Variants in RAB39A observed in about 807,000 individuals in gnomAD.
RAB39A encodes ras-related protein Rab-39A.
Under a neutral mutation model 20.9 loss-of-function variants are expected in RAB39A, and 17 were observed. That is an observed-to-expected ratio of 0.81 (90% CI 0.56 to 1.22). RAB39A has a LOEUF of 1.22. Ranked by LOEUF, RAB39A falls within the 50% of genes most tolerant of loss-of-function variation. RAB39A has a pLI of 0.00. For missense variants in RAB39A, 234 were observed against 270.5 expected, an observed-to-expected ratio of 0.87 and a Z score of 0.95; for synonymous variants, 99 against 103.4, an observed-to-expected ratio of 0.96 and a Z score of 0.26.
chr11:107,946,436 G>GTGTGTATATA (rs1315934948), intron 1 of RAB39A, among the ~76,000 whole-genome samples: 2 of 30,482 alleles, frequency 6.6e-5, no homozygotes, highest in African/African-American at 1.2e-4. Flanking sequence ...GTGTGTGTGT[G>GTGTGTATATA]TATATATATA....
chr11:107,951,733 C>T (rs1565465703), intron 1 of RAB39A, among the ~76,000 whole-genome samples: 1 of 151,194 alleles, frequency 6.6e-6, no homozygotes, highest in Non-Finnish European at 1.5e-5. Flanking sequence ...GATCCTGCCA[C>T]CTCGGACTCC....
At position 107,928,823 on chromosome 11, in the gene RAB39A, G is replaced by A. The variant is rs184082694; in HGVS notation, c.227+28G>A. 0.024 allele frequency: 35,917 copies of A among 1,475,192 alleles called. 541 individuals are homozygous for A. The highest frequency in any genetic ancestry group is 0.034 in the South Asian group (2,583 of 77,002). 91.4% of individuals were successfully genotyped at this position (1,475,192 alleles called of 1,614,324 possible). A position where few individuals can be genotyped will look rare whatever the true frequency, so the allele number is the denominator to read the frequency against. Reference sequence around the variant, plus strand: ...AGGGACCCCGGGGACCTTGGGCACCGCGCCGCCCCCTCAGCCCGCCCGGAC... The same window carrying A: ...AGGGACCCCGGGGACCTTGGGCACCACGCCGCCCCCTCAGCCCGCCCGGAC... On this transcript the variant is annotated intron_variant, in intron 1 of 1. Transcript: ENST00000320578. This position sits in a 1 kb window ranked among gnomAD's most constrained non-coding sequence, Gnocchi z 4.9.
intron 1 of RAB39A, among the ~76,000 whole-genome samples, chr11:107,955,660 G>A (rs1250316518): frequency 6.6e-6 from 1 of 152,138 alleles, no homozygotes; most frequent in East Asian, 1.9e-4. Context: ...CCAACATGGA[G>A]AAATCCCATC....
intron 1 of RAB39A, 119 bp from the exon 2 acceptor site, chr11:107,961,827 T>C: frequency 1.2e-6 from 1 of 839,970 alleles, no homozygotes. Flanking sequence ...ATTTTATTTA[T>C]AAATTCTAGT....
chr11:107,946,799 T>C (rs2134964003), intron 1 of RAB39A, among the ~76,000 whole-genome samples: 1 of 151,222 alleles, frequency 6.6e-6, no homozygotes, highest in African/African-American at 2.4e-5. Context: ...AAAAAAAAGA[T>C]TATTCTGTCT....
chr11:107,933,482 C>T (rs1235958947), intron 1 of RAB39A, among the ~76,000 whole-genome samples: 1 of 143,692 alleles, frequency 7.0e-6, no homozygotes, highest in Admixed American at 7.4e-5. Context: ...CAGGTTCAAG[C>T]GATTCTCCTC....
chr11:107,951,590 A>G (rs1861379753), intron 1 of RAB39A, among the ~76,000 whole-genome samples: 1 of 146,910 alleles, frequency 6.8e-6, no homozygotes, highest in South Asian at 2.1e-4. Context: ...AACACATAAG[A>G]TCTATATAAT....
In RAB39A at chr11:107,962,321, T is replaced by C; in HGVS notation, c.603T>C (p.Thr201=). ...TTAAAAGTGGTTTTGTTCCAAATAC[T>C]GTGCATTCTTCTGAGGAAGCAGTAA... ...EGVKSGFVPN[T]VHSSEEAVKP... is the part of the protein sequence containing the mutation. Residue 201 remains threonine (T), a synonymous_variant, in exon 2 of 2, where the codon ACT becomes ACC. Transcript: ENST00000320578. 2.5e-6 allele frequency: 4 copies of C among 1,612,950 alleles called. No individual in the cohort carries two copies. Among genetic ancestry groups the C allele is most frequent in the Non-Finnish European group, 3.4e-6 (4 of 1,179,158 alleles).
Position 107,938,556 on chromosome 11 carries a change from CT to C in RAB39A, c.227+9762del, listed in dbSNP as rs199845617. ...ACCAGTCTGGGCAACATAGTGAGAC[CT>C]CGTCTATAAAAAAAAAAAAAAAAAA... On this transcript the variant is annotated intron_variant, in intron 1 of 1. Coordinates refer to ENST00000320578, the MANE Select transcript of RAB39A (RefSeq NM_017516.3). Among the ~76,000 whole-genome samples the C allele has an allele frequency of 5.0e-3, 507 of 101,884 alleles. 13 individuals carry two copies. In the South Asian group the frequency reaches 0.089, roughly 18 times the overall value. The allele number at this position is 101,884 out of a possible 152,430, so 66.8% of individuals were successfully genotyped here.
intron 1 of RAB39A, among the ~76,000 whole-genome samples, chr11:107,930,807 G>C (rs1861127779): frequency 6.6e-6 from 1 of 151,730 alleles, no homozygotes; most frequent in Non-Finnish European, 1.5e-5. Context: ...AGTGAGCCAA[G>C]ATCACGCCAC....
intron 1 of RAB39A, among the ~76,000 whole-genome samples, chr11:107,939,581 G>C (rs2134956216): frequency 6.7e-6 from 1 of 148,254 alleles, no homozygotes; most frequent in Non-Finnish European, 1.5e-5. Context: ...CTGCACTCCA[G>C]CCTGGGCAAT....
Position 107,961,631 on chromosome 11 carries a change from C to A in RAB39A, c.228-315C>A, listed in dbSNP as rs759790333. On this transcript the variant is annotated intron_variant, in intron 1 of 1. Coordinates refer to ENST00000320578, the MANE Select transcript of RAB39A (RefSeq NM_017516.3). The stretch of plus-strand genomic sequence containing the variant: ...AGTCTTTCAATATGCTTATTTTTAA[C>A]CACAATGATGTAATAATCTATCAGA... Among the ~76,000 whole-genome samples, 4 of 152,110 alleles carry A rather than the reference C, an allele frequency of 2.6e-5. No homozygotes were observed. In the East Asian group the frequency reaches 7.7e-4, roughly 29 times the overall value.
chr11:107,952,955 C>T (rs749510717), intron 1 of RAB39A, among the ~76,000 whole-genome samples: 4 of 152,184 alleles, frequency 2.6e-5, no homozygotes, highest in Non-Finnish European at 4.4e-5. Context: ...TCCACCTATA[C>T]ATGAGGTATC....
At chr11:107,930,545 T>G (rs1197525789) in intron 1 of RAB39A, among the ~76,000 whole-genome samples, 1 of 152,176 alleles carries the variant, frequency 6.6e-6, no homozygotes, top group African/African-American at 2.4e-5. Context: ...TCTTATTGTG[T>G]TTAATTAGTT....
At chr11:107,938,284 C>A (rs1239116265) in intron 1 of RAB39A, among the ~76,000 whole-genome samples, 1 of 143,842 alleles carries the variant, frequency 7.0e-6, no homozygotes, top group Non-Finnish European at 1.5e-5. Context: ...TGCTTGAACC[C>A]AGGAAGAGGA....
At chr11:107,949,709 C>G (rs1407078410) in intron 1 of RAB39A, among the ~76,000 whole-genome samples, 1 of 152,194 alleles carries the variant, frequency 6.6e-6, no homozygotes, top group Non-Finnish European at 1.5e-5. Context: ...AGAAAATAAG[C>G]ATCCTTTCAT....
intron 1 of RAB39A, among the ~76,000 whole-genome samples, chr11:107,948,523 C>T (rs189980408): frequency 1.7e-4 from 26 of 151,970 alleles, no homozygotes; most frequent in Middle Eastern, 3.4e-3. Context: ...GAGGGATTCT[C>T]AGTCTGTCGC....
chr11:107,946,334 A>C (rs1197794247), intron 1 of RAB39A, among the ~76,000 whole-genome samples: 16 of 141,638 alleles, frequency 1.1e-4, no homozygotes, highest in African/African-American at 4.2e-4. Context: ...ATACACACAC[A>C]CACACACACA....
Position 107,930,857 on chromosome 11 carries a change from A to AAAATAAAT in RAB39A, c.227+2077_227+2084dup, listed in dbSNP as rs145687172. 1.9e-3 allele frequency among the ~76,000 whole-genome samples: 285 copies of AAAATAAAT among 151,208 alleles called. 7 individuals carry two copies. Among genetic ancestry groups the AAAATAAAT allele is most frequent in the Admixed American group, 0.015 (226 of 15,172 alleles). On this transcript the variant is annotated intron_variant, in intron 1 of 1. Transcript: ENST00000320578. Reference sequence around the variant, plus strand: ...GGTGACAGAGCCAGACTCAGTCTCAAAAATAAATAAATAAATAAATAAGTA... The same window carrying AAAATAAAT: ...GGTGACAGAGCCAGACTCAGTCTCAAAAATAAATAAATAAATAAATAAATAAATAAGTA...
Sources: gnomAD v4.1 joint callset for allele counts (sites outside exome capture counted in the v4.1 genomes callset) on GRCh38, gnomAD v4.1.1 for gene constraint, Gnocchi (gnomAD v3.1) non-coding constraint, MANE v1.5 for transcripts, NCBI Gene and HGNC (gene_info 2026-07-23, HGNC 2026-07-21) for gene names.